Variants in EPS15L1 observed in about 807,000 individuals in gnomAD.
EPS15L1 encodes epidermal growth factor receptor substrate 15-like 1.
A neutral mutation model predicts 117.1 loss-of-function variants in EPS15L1; 43 were observed. The observed-to-expected ratio is 0.37, with a 90% confidence interval of 0.29 to 0.47. The LOEUF (loss-of-function observed/expected upper bound fraction) is 0.47, where lower values mean the gene tolerates loss of function less well. Among genes scored for constraint, EPS15L1 ranks in the 20% least tolerant of loss-of-function variants. The pLI is 0.99. For missense variants in EPS15L1, 981 were observed against 1,164.0 expected, an observed-to-expected ratio of 0.84 and a Z score of 2.29; for synonymous variants, 459 against 470.5, an observed-to-expected ratio of 0.98 and a Z score of 0.32.
chr19:16,454,279 A>G (rs1274064089), intron 1 of EPS15L1, among the ~76,000 whole-genome samples: 1 of 152,208 alleles, frequency 6.6e-6, no homozygotes, highest in Non-Finnish European at 1.5e-5. Context: ...AATGGGGTCC[A>G]ATCTTCATCA....
intron 22 of EPS15L1, among the ~76,000 whole-genome samples, chr19:16,367,657 T>A (rs886608211): frequency 1.3e-5 from 2 of 151,080 alleles, no homozygotes; most frequent in African/African-American, 4.9e-5. Flanking sequence ...TGCACTAGCG[T>A]TCTTGGTCAG....
chr19:16,395,437 A>G lies in EPS15L1; in HGVS notation c.1822T>C (p.Phe608Leu). 1 of 1,613,866 alleles carries G rather than the reference A, an allele frequency of 6.2e-7. No individual in the cohort carries two copies. The highest frequency in any genetic ancestry group is 1.7e-5 in the Admixed American group (1 of 60,010). ...DDPFKNKALL[F>L]SNNTQELHPD... The stretch of plus-strand genomic sequence containing the variant: ...TGCAACTCTTGCGTGTTGTTGCTAA[A>G]TAACAAGGCTTTATTTTTGAAAGGA... The change falls in exon 17 of 24, where the codon TTT becomes CTT. Residue 608 changes from phenylalanine (F) to leucine (L), a missense_variant. Phe to Leu is a conservative substitution (Grantham distance 22, BLOSUM62 0). Coordinates refer to ENST00000455140, the MANE Select transcript of EPS15L1 (RefSeq NM_001258374.3).
chr19:16,448,398 C>T (rs781324881), intron 1 of EPS15L1, among the ~76,000 whole-genome samples: 1 of 151,582 alleles, frequency 6.6e-6, no homozygotes, highest in Non-Finnish European at 1.5e-5. Flanking sequence ...GGCATGGTGG[C>T]GCATGCCTGT....
At chr19:16,415,611 G>A (rs1021938348) in intron 12 of EPS15L1, among the ~76,000 whole-genome samples, 1 of 152,172 alleles carries the variant, frequency 6.6e-6, no homozygotes, top group African/African-American at 2.4e-5. Context: ...ATCATAAGAG[G>A]AAAGCTCAGC....
intron 1 of EPS15L1, among the ~76,000 whole-genome samples, chr19:16,447,894 C>T (rs931067418): frequency 6.6e-6 from 1 of 152,042 alleles, no homozygotes; most frequent in Non-Finnish European, 1.5e-5. Context: ...TGGCAGGGGG[C>T]GGGCACAGAC....
Position 16,370,337 on chromosome 19 carries a change from C to T in EPS15L1, c.2380+6785G>A, listed in dbSNP as rs1157662863. 6.6e-6 allele frequency among the ~76,000 whole-genome samples: 1 copy of T among 152,106 alleles called. No homozygotes were observed. Among genetic ancestry groups the T allele is most frequent in the African/African-American group, 2.4e-5 (1 of 41,392 alleles). ...CCGCCAGAAAAGCAGGGAGGCGGTGCCCAGAGCTGCACCCAGAGCCCCCTT... is the reference window on the plus strand; with the variant it reads ...CCGCCAGAAAAGCAGGGAGGCGGTGTCCAGAGCTGCACCCAGAGCCCCCTT... On this transcript the variant is annotated intron_variant, in intron 22 of 23. Transcript: ENST00000455140. The surrounding 1 kb of genome is among the most constrained non-coding windows in gnomAD (Gnocchi z 5.2).
chr19:16,451,251 A>T (rs1002558749), intron 1 of EPS15L1, among the ~76,000 whole-genome samples: 20 of 151,962 alleles, frequency 1.3e-4, no homozygotes, highest in African/African-American at 3.4e-4. Flanking sequence ...GCGCCCGCCC[A>T]GACTCTCCAA....
At chr19:16,415,125 C>T (rs554983381) in intron 12 of EPS15L1, among the ~76,000 whole-genome samples, 1 of 152,172 alleles carries the variant, frequency 6.6e-6, no homozygotes, top group Non-Finnish European at 1.5e-5. Context: ...AGCCACAAGG[C>T]CCAGGGTTTA....
intron 22 of EPS15L1, among the ~76,000 whole-genome samples, chr19:16,375,537 C>T (rs1464410143): frequency 2.0e-5 from 3 of 152,090 alleles, no homozygotes; most frequent in South Asian, 2.1e-4. Flanking sequence ...GGCCCACTGC[C>T]GTTCCATCAG....
intron 3 of EPS15L1, 74 bp from the exon 4 acceptor site, chr19:16,440,983 C>T (rs2093026248): frequency 2.1e-6 from 3 of 1,439,792 alleles, no homozygotes; most frequent in African/African-American, 1.4e-5. Context: ...CCAGAGCCGC[C>T]ACCACCCCAT....
rs182129865 is a variant in EPS15L1, at chr19:16,397,639, T to C, written c.1792-2172A>G. ...TGGTTGTTTCTGTCCTATGAGGAAA[T>C]GAGTACTTATGCAGTTAGAATTACT... On this transcript the variant is annotated intron_variant, in intron 16 of 23. Coordinates refer to ENST00000455140, the MANE Select transcript of EPS15L1 (RefSeq NM_001258374.3). 6.4e-4 allele frequency among the ~76,000 whole-genome samples: 97 copies of C among 152,172 alleles called. 1 individual carries two copies. Among genetic ancestry groups the C allele is most frequent in the African/African-American group, 2.3e-3 (94 of 41,516 alleles).
At position 16,401,976 on chromosome 19, in the gene EPS15L1, T is replaced by C. The variant is rs1210563754; in HGVS notation, c.1791+345A>G. The stretch of plus-strand genomic sequence containing the variant: ...TTAGTAGAATGTGGGGTTTCCACAA[T>C]GAGCAGAAACTGATCCAATTTTGGT... On this transcript the variant is annotated intron_variant, in intron 16 of 23. Coordinates refer to ENST00000455140, the MANE Select transcript of EPS15L1 (RefSeq NM_001258374.3). 6 of 1,056,038 alleles carry C rather than the reference T, an allele frequency of 5.7e-6. No homozygotes were observed. The African/African-American group carries it at 8.3e-5, about 15-fold the overall frequency. 65.4% of individuals were successfully genotyped at this position (1,056,038 alleles called of 1,614,324 possible).
intron 10 of EPS15L1, among the ~76,000 whole-genome samples, chr19:16,419,168 A>G (rs2092790204): frequency 6.6e-6 from 1 of 152,224 alleles, no homozygotes; most frequent in South Asian, 2.1e-4. Context: ...ACAATCAAGG[A>G]GCCAGCCAGG....
chr19:16,418,144 G>C (rs199585528), intron 10 of EPS15L1, 40 bp from the exon 11 acceptor site: 55 of 1,575,976 alleles, frequency 3.5e-5, no homozygotes, highest in Non-Finnish European at 4.6e-5. Flanking sequence ...CATCACAGGC[G>C]CCGACTCAGC....
intron 13 of EPS15L1, among the ~76,000 whole-genome samples, chr19:16,410,080 G>A (rs1332930337): frequency 6.6e-6 from 1 of 151,522 alleles, no homozygotes; most frequent in Non-Finnish European, 1.5e-5. Context: ...GCTGCAGTGA[G>A]CTGAGATTGC....
chr19:16,417,682 A>T, intron 11 of EPS15L1, 45 bp from the exon 12 acceptor site: 1 of 1,526,194 alleles, frequency 6.6e-7, no homozygotes, highest in Non-Finnish European at 9.1e-7. Flanking sequence ...GCAACCTGAC[A>T]TCACCTGACA....
chr19:16,450,957 CT>C (rs201406459), intron 1 of EPS15L1, among the ~76,000 whole-genome samples: 64 of 147,866 alleles, frequency 4.3e-4, no homozygotes, highest in African/African-American at 1.4e-3. Context: ...GGTACAGGCT[CT>C]TTTTTTTTTG....
intron 1 of EPS15L1, among the ~76,000 whole-genome samples, chr19:16,448,244 T>C (rs1042999981): frequency 6.6e-6 from 1 of 152,092 alleles, no homozygotes; most frequent in Non-Finnish European, 1.5e-5. Flanking sequence ...GAAAGAGCCA[T>C]GTAAGGCCTG....
chr19:16,387,782 A>C (rs12461547), intron 19 of EPS15L1, among the ~76,000 whole-genome samples: 3,761 of 152,260 alleles, frequency 0.025, 121 homozygotes, highest in Admixed American at 0.087. Context: ...ACAAAAAAAA[A>C]CCCCACTTCA....
Sources: gnomAD v4.1 joint callset for allele counts (sites outside exome capture counted in the v4.1 genomes callset) on GRCh38, gnomAD v4.1.1 for gene constraint, Gnocchi (gnomAD v3.1) non-coding constraint, MANE v1.5 for transcripts, NCBI Gene and HGNC (gene_info 2026-07-23, HGNC 2026-07-21) for gene names.